Variants in SLC2A13 observed in about 807,000 individuals in gnomAD.
SLC2A13 encodes proton myo-inositol cotransporter.
In SLC2A13, 32 loss-of-function variants were observed where a neutral mutation model predicts 64.4. The ratio of observed to expected loss-of-function variants is 0.50; its 90% confidence interval spans 0.37 to 0.67. The LOEUF (loss-of-function observed/expected upper bound fraction) is 0.67. SLC2A13 is among the 30% of genes least tolerant of loss of function. SLC2A13 has a pLI of 0.00. For missense variants in SLC2A13, 743 were observed against 829.2 expected, an observed-to-expected ratio of 0.90 and a Z score of 1.28; for synonymous variants, 338 against 327.1, an observed-to-expected ratio of 1.03 and a Z score of -0.36.
chr12:40,078,085 T>C (rs994437050), intron 1 of SLC2A13, among the ~76,000 whole-genome samples: 2 of 152,210 alleles, frequency 1.3e-5, no homozygotes, highest in African/African-American at 2.4e-5. Context: ...TATACAATTA[T>C]ATCATCTGTA....
chr12:40,081,631 T>C (rs1233146101), intron 1 of SLC2A13, among the ~76,000 whole-genome samples: 3 of 152,228 alleles, frequency 2.0e-5, no homozygotes, highest in Non-Finnish European at 2.9e-5. Context: ...AACTTTCTCC[T>C]AAATCTGGAC....
At chr12:39,884,372 C>T (rs1032488029) in intron 4 of SLC2A13, among the ~76,000 whole-genome samples, 2 of 152,158 alleles carry the variant, frequency 1.3e-5, no homozygotes, top group African/African-American at 2.4e-5. Context: ...TTTTTTCCTT[C>T]GCCAAACTTC....
chr12:40,035,506 C>T (rs137909970), intron 2 of SLC2A13, among the ~76,000 whole-genome samples: 78 of 152,278 alleles, frequency 5.1e-4, no homozygotes, highest in Non-Finnish European at 7.4e-4. Flanking sequence ...AAGACATGCA[C>T]CCTGATGACT....
At chr12:40,065,562 G>C (rs1370727280) in intron 1 of SLC2A13, among the ~76,000 whole-genome samples, 2 of 151,996 alleles carry the variant, frequency 1.3e-5, no homozygotes. Context: ...TCCAGCCTGG[G>C]CAACAGAATG....
rs866457177 is a variant in SLC2A13 at position 39,758,588 on chromosome 12, C to T, written c.*1438G>A. On this transcript the variant is annotated 3_prime_UTR_variant, in exon 10 of 10. Transcript: ENST00000280871. ...TACTATATAGTTCTTAATAGAAAAG[C>T]AAAAATTAAGAGTTCAGTGATGAAT... The T allele has an allele frequency of 2.0e-5, 3 of 151,820 alleles. No individual in the cohort carries two copies. The highest frequency in any genetic ancestry group is 3.0e-5 in the Non-Finnish European group (2 of 67,772). 9.4% of individuals were successfully genotyped at this position (151,820 alleles called of 1,614,324 possible). A position where few individuals can be genotyped will look rare whatever the true frequency, so the allele number is the denominator to read the frequency against.
chr12:39,949,706 G>A (rs1355813486), intron 4 of SLC2A13: 1 of 152,152 alleles, frequency 6.6e-6, no homozygotes. Flanking sequence ...TTTTATACTT[G>A]TCAAGTTTAA....
At chr12:40,081,846 G>C (rs893503894) in intron 1 of SLC2A13, among the ~76,000 whole-genome samples, 1 of 152,156 alleles carries the variant, frequency 6.6e-6, no homozygotes. Context: ...CCTTCATATA[G>C]GGCTTTTTGC....
At chr12:39,975,591 A>T (rs911789199) in intron 3 of SLC2A13, among the ~76,000 whole-genome samples, 3 of 152,206 alleles carry the variant, frequency 2.0e-5, no homozygotes, top group Non-Finnish European at 4.4e-5. Flanking sequence ...TTGGCAGATA[A>T]AACAGTTTAG....
At chr12:40,035,158 A>G (rs1220428780) in intron 2 of SLC2A13, among the ~76,000 whole-genome samples, 2 of 152,232 alleles carry the variant, frequency 1.3e-5, no homozygotes, top group Admixed American at 6.5e-5. Context: ...CTGAAGGAAT[A>G]ATCACATGAG....
chr12:40,011,677 C>T lies in SLC2A13; in HGVS notation c.925+16624G>A, dbSNP rs191214925. On this transcript the variant is annotated intron_variant, in intron 3 of 9. Coordinates refer to ENST00000280871, the MANE Select transcript of SLC2A13 (RefSeq NM_052885.4). Reference sequence around the variant, plus strand: ...CCCGTCTCCTCCCTCTAGTAGTCCTCGGCGTCTACTGTTCCCATCTTTATG... The same window carrying T: ...CCCGTCTCCTCCCTCTAGTAGTCCTTGGCGTCTACTGTTCCCATCTTTATG... 3.9e-5 allele frequency among the ~76,000 whole-genome samples: 6 copies of T among 152,238 alleles called. No homozygotes were observed. The East Asian group carries it at 9.7e-4, about 25-fold the overall frequency.
chr12:39,854,355 C>T (rs1206214800), intron 6 of SLC2A13, among the ~76,000 whole-genome samples: 1 of 152,028 alleles, frequency 6.6e-6, no homozygotes, highest in African/African-American at 2.4e-5. Context: ...TTAACAGAAA[C>T]TATTATTATT....
At chr12:40,011,093 G>A (rs1301696922) in intron 3 of SLC2A13, among the ~76,000 whole-genome samples, 1 of 152,164 alleles carries the variant, frequency 6.6e-6, no homozygotes, top group East Asian at 1.9e-4. Flanking sequence ...ACAGCCAGAG[G>A]CTCAACTAAC....
At chr12:40,078,399 T>C (rs752938425) in intron 1 of SLC2A13, among the ~76,000 whole-genome samples, 1 of 152,228 alleles carries the variant, frequency 6.6e-6, no homozygotes, top group East Asian at 1.9e-4. Context: ...TCTGTGTCTA[T>C]TGAGATCATC....
intron 4 of SLC2A13, among the ~76,000 whole-genome samples, chr12:39,945,429 G>A (rs995012477): frequency 4.6e-5 from 7 of 152,028 alleles, no homozygotes; most frequent in African/African-American, 1.7e-4. Context: ...AGTTTTCCTC[G>A]ATTATTCCCC....
intron 7 of SLC2A13, among the ~76,000 whole-genome samples, chr12:39,804,126 G>GA (rs879382584): frequency 1.4e-4 from 22 of 151,744 alleles, no homozygotes; most frequent in Non-Finnish European, 2.5e-4. Flanking sequence ...GAGTGGTGGG[G>GA]AAAAAAACAC....
chr12:40,006,588 T>G (rs1053935670), intron 3 of SLC2A13, among the ~76,000 whole-genome samples: 3 of 152,182 alleles, frequency 2.0e-5, no homozygotes, highest in Admixed American at 6.5e-5. Context: ...CAGGTAAAAT[T>G]TCTTTCTAAT....
chr12:39,758,702 A>ATT lies in SLC2A13; in HGVS notation c.*1322_*1323dup, dbSNP rs1418384285. On this transcript the variant is annotated 3_prime_UTR_variant, in exon 10 of 10. Transcript: ENST00000280871. ...TTATAGACGTGCTATATTAGAACCA[A>ATT]TTATCTGTTCCAATAGGCAATCTCA... 1 of 152,056 alleles carries ATT rather than the reference A, an allele frequency of 6.6e-6. No homozygotes were observed. The highest frequency in any genetic ancestry group is 1.9e-4 in the East Asian group (1 of 5,302). The allele number at this position is 152,056 out of a possible 1,614,324, so 9.4% of individuals were successfully genotyped here.
chr12:39,865,648 G>T (rs952016077), intron 5 of SLC2A13, among the ~76,000 whole-genome samples: 1 of 152,144 alleles, frequency 6.6e-6, no homozygotes, highest in Non-Finnish European at 1.5e-5. Flanking sequence ...AACGAAAAGG[G>T]TCATGGGAAG....
intron 1 of SLC2A13, among the ~76,000 whole-genome samples, chr12:40,090,951 A>G (rs1211291542): frequency 1.3e-5 from 2 of 152,230 alleles, no homozygotes; most frequent in Non-Finnish European, 2.9e-5. Flanking sequence ...GCTTAGCCAC[A>G]GCGACACATT....
Sources: gnomAD v4.1 joint callset for allele counts (sites outside exome capture counted in the v4.1 genomes callset) on GRCh38, gnomAD v4.1.1 for gene constraint, MANE v1.5 for transcripts, NCBI Gene and HGNC (gene_info 2026-07-23, HGNC 2026-07-21) for gene names.